COL5A2: variants seen among roughly 807,000 people sequenced by gnomAD.
COL5A2 encodes collagen type V alpha 2 chain, also known as collagen alpha-2(V) chain.
COL5A2 carries 23 observed loss-of-function variants against 208.2 expected under a neutral mutation model. The ratio of observed to expected loss-of-function variants is 0.11; its 90% CI spans 0.08 to 0.16. The LOEUF (loss-of-function observed/expected upper bound fraction) is 0.16. Among genes scored for constraint, COL5A2 ranks in the 10% least tolerant of loss-of-function variants. The probability of loss-of-function intolerance (pLI) is 1.00; values close to 1 mark genes in which losing one functional copy is unlikely to be tolerated. For synonymous variants in COL5A2, 625 were observed against 628.5 expected (o/e 0.99, Z 0.08); for missense variants, 1,590 against 1,956.4 (o/e 0.81, Z 3.53).
At chr2:189,136,189 A>C (rs367696434) in intron 1 of COL5A2, among the ~76,000 whole-genome samples, 6 of 152,354 alleles carry the variant, frequency 3.9e-5, no homozygotes, top group Admixed American at 2.0e-4. Context: ...TCTATGCTAC[A>C]CATGTTCATA....
chr2:189,216,146 G>T (rs1030872389), intron 1 of COL5A2, among the ~76,000 whole-genome samples: 2 of 152,114 alleles, frequency 1.3e-5, no homozygotes, highest in Non-Finnish European at 2.9e-5. Context: ...AGCAAGTTAA[G>T]AAAGCAAGTC....
At chr2:189,175,544 C>CTTTT (rs35381713) in intron 1 of COL5A2, among the ~76,000 whole-genome samples, 13 of 125,402 alleles carry the variant, frequency 1.0e-4, no homozygotes, top group Non-Finnish European at 1.3e-4. Flanking sequence ...AAAAAGAAAA[C>CTTTT]TTTTTTTTTT....
intron 1 of COL5A2, among the ~76,000 whole-genome samples, chr2:189,166,270 A>G (rs920882057): frequency 6.6e-6 from 1 of 152,138 alleles, no homozygotes; most frequent in African/African-American, 2.4e-5. Flanking sequence ...CCATAGAGGC[A>G]TAAGGTTCTA....
chr2:189,380,430 T>C, the COL5A2 span, among the ~76,000 whole-genome samples: 3 of 151,906 alleles, frequency 2.0e-5, no homozygotes, highest in African/African-American at 7.2e-5. Flanking sequence ...AATTAAAATA[T>C]CACTGTAAAA....
chr2:189,077,894 G>A (rs1048567486), intron 16 of COL5A2, among the ~76,000 whole-genome samples: 7 of 152,212 alleles, frequency 4.6e-5, no homozygotes, highest in Non-Finnish European at 1.0e-4. Context: ...TAGGTCCAAA[G>A]TAATGAACTA....
chr2:189,196,120 A>G (rs975889231), intron 1 of COL5A2, among the ~76,000 whole-genome samples: 20 of 152,132 alleles, frequency 1.3e-4, no homozygotes, highest in Admixed American at 1.3e-3. Context: ...GAAAAAAACA[A>G]CCCCATCAAG....
intron 1 of COL5A2, among the ~76,000 whole-genome samples, chr2:189,120,640 A>G (rs756519151): frequency 2.0e-5 from 3 of 152,222 alleles, no homozygotes; most frequent in Non-Finnish European, 4.4e-5. Flanking sequence ...CTATTTGATA[A>G]TGAAACATAT....
At chr2:189,239,806 A>G in the COL5A2 span, among the ~76,000 whole-genome samples, 1 of 152,008 alleles carries the variant, frequency 6.6e-6, no homozygotes, top group Non-Finnish European at 1.5e-5. Flanking sequence ...ATAAAGACAG[A>G]AGAGGGGGCC....
At chr2:189,059,041 T>C in intron 31 of COL5A2, 148 bp from the exon 32 acceptor site, 5 of 654,510 alleles carry the variant, frequency 7.6e-6, no homozygotes, top group South Asian at 3.8e-5. Flanking sequence ...AAAGTACGTA[T>C]ATTTTTATAA....
intron 1 of COL5A2, among the ~76,000 whole-genome samples, chr2:189,202,081 A>C (rs1689086499): frequency 6.6e-6 from 1 of 151,758 alleles, no homozygotes; most frequent in Admixed American, 6.6e-5. Flanking sequence ...TAAGAGATTA[A>C]AGATATTATT....
the COL5A2 span, among the ~76,000 whole-genome samples, chr2:189,320,141 C>G: frequency 1.2e-4 from 19 of 152,280 alleles, no homozygotes; most frequent in East Asian, 3.7e-3. Flanking sequence ...ACAGAAAGGA[C>G]ATCCACACCA....
At chr2:189,053,568 G>A in intron 37 of COL5A2, 91 bp from the exon 38 acceptor site, 1 of 1,156,172 alleles carries the variant, frequency 8.6e-7, no homozygotes, top group Non-Finnish European at 1.3e-6. Context: ...CTGATAGTTA[G>A]ACATGTAAAT....
upstream of COL5A2, among the ~76,000 whole-genome samples, chr2:189,226,261 T>C (rs192045732): frequency 2.6e-5 from 4 of 152,180 alleles, no homozygotes; most frequent in Admixed American, 6.5e-5. Context: ...CAAAACCTAA[T>C]AGTAAATAGA....
chr2:189,418,946 T>G, the COL5A2 span, among the ~76,000 whole-genome samples: 1 of 152,184 alleles, frequency 6.6e-6, no homozygotes, highest in African/African-American at 2.4e-5. Context: ...AGATAAAGTA[T>G]GACTTAGTGG....
intron 1 of COL5A2, among the ~76,000 whole-genome samples, chr2:189,157,983 A>G (rs1026458552): frequency 6.6e-6 from 1 of 151,980 alleles, no homozygotes; most frequent in African/African-American, 2.4e-5. Flanking sequence ...ATGAAGGTAG[A>G]GACTGTGTCT....
chr2:189,426,469 A>C, the COL5A2 span, among the ~76,000 whole-genome samples: 1 of 152,132 alleles, frequency 6.6e-6, no homozygotes. Flanking sequence ...CTTTGCTTCG[A>C]GTTTTCCCAT....
chr2:189,339,463 T>C, the COL5A2 span, among the ~76,000 whole-genome samples: 1 of 152,164 alleles, frequency 6.6e-6, no homozygotes, highest in Non-Finnish European at 1.5e-5. Context: ...CATCCAACTC[T>C]GGATTTACAT....
the COL5A2 span, among the ~76,000 whole-genome samples, chr2:189,380,851 A>T: frequency 6.6e-6 from 1 of 152,000 alleles, no homozygotes; most frequent in Admixed American, 6.6e-5. Flanking sequence ...TGTAATTTGT[A>T]GAAATTTTGA....
At chr2:189,219,523 G>T (rs890263664) in intron 1 of COL5A2, among the ~76,000 whole-genome samples, 3 of 152,082 alleles carry the variant, frequency 2.0e-5, no homozygotes, top group African/African-American at 7.2e-5. Flanking sequence ...TTATGTAAGG[G>T]TGGAAACTGA....
Sources: allele counts gnomAD v4.1 joint callset (sites outside exome capture counted in the v4.1 genomes callset), GRCh38; gene constraint gnomAD v4.1.1; transcripts MANE v1.5; gene names NCBI Gene and HGNC (gene_info 2026-07-23, HGNC 2026-07-21).